CANX: variants seen among roughly 807,000 people sequenced by gnomAD.
The protein encoded by CANX is calnexin.
In CANX, 14 loss-of-function variants were observed where a neutral mutation model predicts 75.7. That is an observed-to-expected ratio of 0.19 (90% CI 0.12 to 0.29). The LOEUF (loss-of-function observed/expected upper bound fraction) is 0.29. Among genes scored for constraint, CANX ranks in the 10% least tolerant of loss-of-function variants. CANX has a pLI of 1.00. For synonymous variants in CANX, 227 were observed against 236.9 expected, an observed-to-expected ratio of 0.96 and a Z score of 0.38; for missense variants, 567 against 713.2, an observed-to-expected ratio of 0.79 and a Z score of 2.34.
At chr5:179,724,178 A>C (rs530948492) in intron 12 of CANX, among the ~76,000 whole-genome samples, 1 of 149,244 alleles carries the variant, frequency 6.7e-6, no homozygotes, top group Non-Finnish European at 1.5e-5. Flanking sequence ...CACCTTCCCC[A>C]CTCTCAAAAC....
At chr5:179,702,691 C>CTGTT (rs565033414) in intron 1 of CANX, among the ~76,000 whole-genome samples, 90 of 152,030 alleles carry the variant, frequency 5.9e-4, no homozygotes, top group Non-Finnish European at 6.6e-4. Context: ...CCTTCTTTTT[C>CTGTT]TGTTTGTTTG....
At chr5:179,682,709 CAAAAAAA>C (rs11461581) in intron 1 of CANX, among the ~76,000 whole-genome samples, 1 of 97,932 alleles carries the variant, frequency 1.0e-5, no homozygotes, top group African/African-American at 4.0e-5. Context: ...GACTCTGTCT[CAAAAAAA>C]AAAAAAAAAA....
rs958473912 is a variant in CANX, at chr5:179,689,379, G to GTTTTTTTTTT, written c.-4+10618_-4+10627dup. Reference sequence around the variant, plus strand: ...AAGAGAAAGCTACAAAACCCAACAAGTTTTTTTTTTTTTTTTTTTTTTTTT... The same window carrying GTTTTTTTTTT: ...AAGAGAAAGCTACAAAACCCAACAAGTTTTTTTTTTTTTTTTTTTTTTTTTTTTTTTTTTT... On this transcript the variant is annotated intron_variant, in intron 1 of 14. Transcript: ENST00000681674. Among the ~76,000 whole-genome samples the GTTTTTTTTTT allele has an allele frequency of 1.9e-3, 159 of 83,666 alleles. 17 individuals carry two copies. Among genetic ancestry groups the GTTTTTTTTTT allele is most frequent in the South Asian group, 8.0e-3 (15 of 1,866 alleles). 54.9% of individuals were successfully genotyped at this position (83,666 alleles called of 152,430 possible).
Position 179,709,882 on chromosome 5 carries a change from C to A in CANX, c.538C>A (p.His180Asn). 1 of 1,587,414 alleles carries A rather than the reference C, an allele frequency of 6.3e-7. No homozygotes were observed. The highest frequency in any genetic ancestry group is 8.5e-7 in the Non-Finnish European group (1 of 1,170,430). The change falls in exon 7 of 15, where the codon CAT becomes AAT. Residue 180 changes from histidine (H) to asparagine (N), a missense_variant. His to Asn is a moderately conservative substitution (Grantham distance 68). This residue lies in a region of CANX where 351 missense variants were observed against 433.8 expected (regional missense o/e 0.81). Transcript: ENST00000247461. Reference protein sequence around the residue: ...KTPELNLDQFHDKTPYTIMFG... With the variant: ...KTPELNLDQFNDKTPYTIMFG... Reference sequence around the variant, plus strand: ...TTTTTTGTTTTTGAAGGATCAGTTCCATGACAAGACCCCTTATACGATTAT... The same window carrying A: ...TTTTTTGTTTTTGAAGGATCAGTTCAATGACAAGACCCCTTATACGATTAT...
At chr5:179,715,640 A>G (rs1316229321) in intron 7 of CANX, among the ~76,000 whole-genome samples, 1 of 152,204 alleles carries the variant, frequency 6.6e-6, no homozygotes, top group Non-Finnish European at 1.5e-5. Context: ...ATGAGTGGAC[A>G]TGCGTTTTAA....
intron 1 of CANX, among the ~76,000 whole-genome samples, chr5:179,690,746 G>T (rs569602996): frequency 6.7e-6 from 1 of 149,078 alleles, no homozygotes; most frequent in Non-Finnish European, 1.5e-5. Context: ...AAAATTAGCC[G>T]GGCGCGGTGG....
Position 179,716,205 on chromosome 5 carries a change from T to G in CANX, c.822T>G (p.Arg274=), listed in dbSNP as rs370497675. The G allele has an allele frequency of 2.7e-5, 44 of 1,613,834 alleles. No homozygotes were observed. Among genetic ancestry groups the G allele is most frequent in the Non-Finnish European group, 3.6e-5 (42 of 1,179,830 alleles). The change falls in exon 8 of 15, where the codon CGT becomes CGG. Residue 274 remains arginine, a synonymous_variant. Transcript: ENST00000247461. ...NDMTPPVNPS[R]EIEDPEDRKP... The stretch of plus-strand genomic sequence containing the variant: ...TGACTCCTCCTGTAAATCCTTCACG[T>G]GAAATTGAGGACCCAGAAGACCGGA...
At chr5:179,692,028 C>T (rs536749472) in intron 1 of CANX, among the ~76,000 whole-genome samples, 14 of 151,798 alleles carry the variant, frequency 9.2e-5, no homozygotes, top group African/African-American at 3.4e-4. Flanking sequence ...GATCCACCCA[C>T]CTCAGCCTCC....
chr5:179,698,637 C>G (rs1283200910), upstream of CANX: 32 of 1,237,920 alleles, frequency 2.6e-5, no homozygotes, highest in East Asian at 5.6e-5. Flanking sequence ...TGGAACGCCC[C>G]GAAGGCACCA....
At chr5:179,701,192 G>C (rs751263517) in intron 1 of CANX, among the ~76,000 whole-genome samples, 1 of 152,042 alleles carries the variant, frequency 6.6e-6, no homozygotes, top group African/African-American at 2.4e-5. Context: ...GTCCCACTTT[G>C]GTTTCCGTAA....
At position 179,710,470 on chromosome 5, in the gene CANX, G is replaced by A. The variant is rs201842194; in HGVS notation, c.721+405G>A. On this transcript the variant is annotated intron_variant, in intron 7 of 14. Transcript: ENST00000247461. ...CACCTGTAATCCCAGCACTTTGGGA[G>A]GCCGAGGCGGGTGGATCACAAGGTC... 2.6e-4 allele frequency among the ~76,000 whole-genome samples: 39 copies of A among 150,772 alleles called. No individual in the cohort carries two copies. The East Asian group carries it at 7.4e-3, about 29-fold the overall frequency.
intron 1 of CANX, among the ~76,000 whole-genome samples, chr5:179,683,560 G>A (rs1253104402): frequency 6.6e-6 from 1 of 151,750 alleles, no homozygotes; most frequent in African/African-American, 2.4e-5. Flanking sequence ...TTTGAGAGGA[G>A]TCTCACTTTG....
intron 1 of CANX, among the ~76,000 whole-genome samples, chr5:179,702,955 G>A (rs567286810): frequency 6.6e-6 from 1 of 152,108 alleles, no homozygotes; most frequent in Admixed American, 6.5e-5. Context: ...TTTTAGTAGA[G>A]ACAGGGTTTC....
At chr5:179,695,026 C>T (rs1562444586), upstream of CANX, among the ~76,000 whole-genome samples, 1 of 151,946 alleles carries the variant, frequency 6.6e-6, no homozygotes, top group Non-Finnish European at 1.5e-5. Flanking sequence ...AAATTTATTC[C>T]TTTTTTAAGT....
chr5:179,705,714 G>T lies in CANX; in HGVS notation c.33G>T (p.Leu11=). 1.2e-6 allele frequency: 2 copies of T among 1,612,980 alleles called. No individual in the cohort carries two copies. The highest frequency in any genetic ancestry group is 1.7e-6 in the Non-Finnish European group (2 of 1,179,190). The stretch of plus-strand genomic sequence containing the variant: ...GGAAGTGGTTGCTGTGTATGTTACT[G>T]GTGCTTGGAACTGCTATTGTTGAGG... The part of the protein sequence containing the change: MEGKWLLCML[L]VLGTAIVEAH... The change falls in exon 2 of 15, where the codon CTG becomes CTT. Residue 11 remains leucine, a synonymous_variant. Transcript: ENST00000247461.
At chr5:179,716,430 A>G in intron 8 of CANX, 136 bp downstream of exon 8, 1 of 640,186 alleles carries the variant, frequency 1.6e-6, no homozygotes, top group South Asian at 2.0e-5. Context: ...TAGGGAAAAT[A>G]TAGAGTACTA....
chr5:179,723,923 A>G, intron 12 of CANX, 144 bp downstream of exon 12: 1 of 685,764 alleles, frequency 1.5e-6, no homozygotes, highest in Non-Finnish European at 2.4e-6. Context: ...CAGAAACCTT[A>G]CTTACTGTTC....
intron 7 of CANX, among the ~76,000 whole-genome samples, chr5:179,715,706 T>A (rs1777896446): frequency 6.6e-6 from 1 of 152,174 alleles, no homozygotes. Flanking sequence ...CTATTAAAAA[T>A]GAAGAAATGG....
At chr5:179,702,107 C>T (rs934225705) in intron 1 of CANX, among the ~76,000 whole-genome samples, 1 of 152,006 alleles carries the variant, frequency 6.6e-6, no homozygotes, top group Non-Finnish European at 1.5e-5. Context: ...GTGGTTATTG[C>T]TCACTGCAGT....
Sources: allele counts gnomAD v4.1 joint callset (sites outside exome capture counted in the v4.1 genomes callset), GRCh38; gene constraint gnomAD v4.1.1; regional missense constraint gnomAD v4.1.1; transcripts MANE v1.5; gene names NCBI Gene and HGNC (gene_info 2026-07-23, HGNC 2026-07-21).